Variants in PDLIM5 observed in about 807,000 individuals in gnomAD.
The protein encoded by PDLIM5 is PDZ and LIM domain protein 5.
PDLIM5 carries 34 observed loss-of-function variants against 64.2 expected under a neutral mutation model. The observed-to-expected ratio is 0.53, with a 90% CI of 0.40 to 0.71. The LOEUF (loss-of-function observed/expected upper bound fraction) is 0.71, where lower values mean the gene tolerates loss of function less well. PDLIM5 is among the 30% of genes least tolerant of loss of function. The pLI is 0.00. For missense variants in PDLIM5, 683 were observed against 733.6 expected (o/e 0.93, Z 0.80); for synonymous variants, 253 against 269.1 (o/e 0.94, Z 0.59).
At chr4:94,643,319 T>G (rs979417536) in intron 9 of PDLIM5, among the ~76,000 whole-genome samples, 10 of 152,226 alleles carry the variant, frequency 6.6e-5, no homozygotes, top group African/African-American at 2.2e-4. Flanking sequence ...GAACTTCTGT[T>G]GAAGCTTTGA....
At chr4:94,556,560 A>G (rs1733347448) in intron 3 of PDLIM5, among the ~76,000 whole-genome samples, 1 of 152,194 alleles carries the variant, frequency 6.6e-6, no homozygotes, top group Non-Finnish European at 1.5e-5. Context: ...CATCCTCTCT[A>G]GCACCTGTTG....
intron 3 of PDLIM5, among the ~76,000 whole-genome samples, chr4:94,556,533 G>C (rs1241390221): frequency 2.6e-5 from 4 of 152,174 alleles, no homozygotes; most frequent in African/African-American, 4.8e-5. Context: ...CAGTGTAAAA[G>C]TGTTCCTGTT....
At chr4:94,539,413 C>T (rs1458186295) in intron 3 of PDLIM5, among the ~76,000 whole-genome samples, 1 of 151,998 alleles carries the variant, frequency 6.6e-6, no homozygotes, top group Non-Finnish European at 1.5e-5. Context: ...CCACAGAGGC[C>T]ATGATATATG....
chr4:94,544,139 G>A (rs909492402), intron 3 of PDLIM5, among the ~76,000 whole-genome samples: 3 of 151,866 alleles, frequency 2.0e-5, no homozygotes, highest in Admixed American at 2.0e-4. Context: ...CTGCCTCCTT[G>A]GTCAGCTTGT....
In PDLIM5 at chr4:94,557,432, A is replaced by G. The variant is rs530250017; in HGVS notation, c.249-15919A>G. On this transcript the variant is annotated intron_variant, in intron 3 of 12. Transcript: ENST00000317968. ...ATGAACTTTAAAGTAGTTTTTTCCAATTCTGTGAAGAAAGTCAGTGGTAGT... is the reference window on the plus strand; with the variant it reads ...ATGAACTTTAAAGTAGTTTTTTCCAGTTCTGTGAAGAAAGTCAGTGGTAGT... Among the ~76,000 whole-genome samples the G allele has an allele frequency of 2.6e-5, 4 of 152,266 alleles. No individual in the cohort carries two copies. In the East Asian group the frequency reaches 5.8e-4, roughly 22 times the overall value.
chr4:94,557,752 G>A (rs969055778), intron 3 of PDLIM5, among the ~76,000 whole-genome samples: 6 of 152,040 alleles, frequency 3.9e-5, no homozygotes, highest in African/African-American at 1.2e-4. Context: ...TTGTACATTG[G>A]TTTTGTATCC....
chr4:94,599,811 A>G (rs919654474), intron 7 of PDLIM5, among the ~76,000 whole-genome samples: 2 of 152,140 alleles, frequency 1.3e-5, no homozygotes, highest in African/African-American at 4.8e-5. Context: ...ATTTTGGAGG[A>G]TCAAAGATGA....
At chr4:94,543,482 A>G (rs1257407840) in intron 3 of PDLIM5, among the ~76,000 whole-genome samples, 4 of 152,104 alleles carry the variant, frequency 2.6e-5, no homozygotes, top group Non-Finnish European at 5.9e-5. Context: ...ATTATCAAGA[A>G]TATACTACAT....
chr4:94,575,292 G>A (rs1310201646), intron 4 of PDLIM5, among the ~76,000 whole-genome samples: 1 of 151,938 alleles, frequency 6.6e-6, no homozygotes, highest in Non-Finnish European at 1.5e-5. Context: ...TTTTTCCTTT[G>A]GAATATGCCT....
chr4:94,664,312 C>A lies in PDLIM5; in HGVS notation c.*245C>A, dbSNP rs1362302559. The A allele has an allele frequency of 1.2e-6, 1 of 804,258 alleles. No individual in the cohort carries two copies. Among genetic ancestry groups the A allele is most frequent in the Non-Finnish European group, 1.5e-6 (1 of 646,686 alleles). 49.8% of individuals were successfully genotyped at this position (804,258 alleles called of 1,614,324 possible). On this transcript the variant is annotated 3_prime_UTR_variant, in exon 13 of 13. Coordinates refer to ENST00000317968, the MANE Select transcript of PDLIM5 (RefSeq NM_006457.5). Reference sequence around the variant, plus strand: ...GCCCATAAAATAAGCTTTATAAAAACCAATTTCCTGATGGACTATTAAATT... The same window carrying A: ...GCCCATAAAATAAGCTTTATAAAAAACAATTTCCTGATGGACTATTAAATT...
At chr4:94,594,569 A>G (rs1383877965) in intron 7 of PDLIM5, among the ~76,000 whole-genome samples, 1 of 152,136 alleles carries the variant, frequency 6.6e-6, no homozygotes, top group Admixed American at 6.5e-5. Context: ...ACCATAGAAA[A>G]TTTTATTTAG....
chr4:94,615,671 T>C (rs930006190), intron 7 of PDLIM5, among the ~76,000 whole-genome samples: 1 of 152,218 alleles, frequency 6.6e-6, no homozygotes, highest in African/African-American at 2.4e-5. Flanking sequence ...TTCCACAGGC[T>C]AAATGGCTAA....
intron 2 of PDLIM5, among the ~76,000 whole-genome samples, chr4:94,483,646 A>G (rs1726066163): frequency 6.6e-6 from 1 of 152,170 alleles, no homozygotes; most frequent in African/African-American, 2.4e-5. Flanking sequence ...TTTCTGAGGG[A>G]TAATTTTAAT....
At chr4:94,659,820 G>A (rs1290471713) in intron 11 of PDLIM5, among the ~76,000 whole-genome samples, 5 of 151,484 alleles carry the variant, frequency 3.3e-5, no homozygotes, top group Admixed American at 2.6e-4. Context: ...GAGCCACCAC[G>A]CCTGACCAGT....
chr4:94,477,539 G>A (rs1174019368), intron 2 of PDLIM5, among the ~76,000 whole-genome samples: 1 of 152,132 alleles, frequency 6.6e-6, no homozygotes, highest in Non-Finnish European at 1.5e-5. Flanking sequence ...TTTAAACGTT[G>A]AAACTTGGAG....
rs73837444 is a variant in PDLIM5 at position 94,573,819 on chromosome 4, G to C, written c.291+426G>C. On this transcript the variant is annotated intron_variant, in intron 4 of 12. Coordinates refer to ENST00000317968, the MANE Select transcript of PDLIM5 (RefSeq NM_006457.5). ...GTTATTGGCAAGTATCCCTCTTCTTGCATATATGTCTTCAAAATAATTTCA... is the reference window on the plus strand; with the variant it reads ...GTTATTGGCAAGTATCCCTCTTCTTCCATATATGTCTTCAAAATAATTTCA... 4.7e-3 allele frequency: 806 copies of C among 169,934 alleles called. 9 individuals are homozygous for C. Among genetic ancestry groups the C allele is most frequent in the African/African-American group, 0.018 (768 of 41,732 alleles). 10.5% of individuals were successfully genotyped at this position (169,934 alleles called of 1,614,324 possible).
chr4:94,628,088 G>T (rs1285549874), intron 8 of PDLIM5, among the ~76,000 whole-genome samples: 5 of 152,116 alleles, frequency 3.3e-5, no homozygotes. Flanking sequence ...CAGATTCAAG[G>T]AAGTATAAGT....
chr4:94,513,085 G>T (rs1082513), intron 2 of PDLIM5, among the ~76,000 whole-genome samples: 63,463 of 151,958 alleles, frequency 0.42, 15,769 homozygotes, highest in South Asian at 0.72. Flanking sequence ...TCTGTTCATT[G>T]GTTTATATTT....
intron 11 of PDLIM5, among the ~76,000 whole-genome samples, chr4:94,662,112 C>T (rs546475522): frequency 6.6e-6 from 1 of 152,096 alleles, no homozygotes; most frequent in East Asian, 1.9e-4. Flanking sequence ...AGCAACCGCG[C>T]CCGGCCAGAA....
Sources: gnomAD v4.1 joint callset for allele counts (sites outside exome capture counted in the v4.1 genomes callset) on GRCh38, gnomAD v4.1.1 for gene constraint, MANE v1.5 for transcripts, NCBI Gene and HGNC (gene_info 2026-07-23, HGNC 2026-07-21) for gene names.